SYT1: variants seen among roughly 807,000 people sequenced by gnomAD.
The protein encoded by SYT1 is synaptotagmin-1.
In SYT1, 8 loss-of-function variants were observed where a neutral mutation model predicts 44.8. The observed-to-expected ratio is 0.18, with a 90% CI of 0.10 to 0.32. SYT1 has a LOEUF of 0.32. Among genes scored for constraint, SYT1 ranks in the 10% least tolerant of loss-of-function variants. SYT1 has a pLI of 1.00. For missense variants in SYT1, 286 were observed against 509.3 expected (o/e 0.56, Z 4.22); for synonymous variants, 154 against 188.8 (o/e 0.82, Z 1.51).
At chr12:79,222,542 C>A (rs912021670) in intron 4 of SYT1, among the ~76,000 whole-genome samples, 2 of 151,974 alleles carry the variant, frequency 1.3e-5, no homozygotes, top group African/African-American at 4.8e-5. Flanking sequence ...CCACCATGCC[C>A]AGCTAATTTT....
At chr12:79,303,597 A>G (rs1565898956) in intron 8 of SYT1, among the ~76,000 whole-genome samples, 5 of 152,156 alleles carry the variant, frequency 3.3e-5, no homozygotes, top group Admixed American at 2.0e-4. Context: ...GAATTAAAAC[A>G]AGTTGGAACA....
Position 79,290,627 on chromosome 12 carries a change from A to G in SYT1, c.352-1381A>G, listed in dbSNP as rs192374755. ...CTTTATCAGAGATATAAAACAGTCT[A>G]CCACTGGCTTATCCATTTTGATTTC... On this transcript the variant is annotated intron_variant, in intron 5 of 10. Transcript: ENST00000261205. Among the ~76,000 whole-genome samples, 448 of 152,350 alleles carry G rather than the reference A, an allele frequency of 2.9e-3. 4 individuals carry two copies. The highest frequency in any genetic ancestry group is 0.01 in the African/African-American group (420 of 41,588).
chr12:79,058,560 A>G (rs931003317), intron 3 of SYT1, among the ~76,000 whole-genome samples: 1 of 152,100 alleles, frequency 6.6e-6, no homozygotes, highest in Admixed American at 6.6e-5. Context: ...AAAATGACTC[A>G]GTACAGCTGG....
chr12:78,927,338 T>A (rs1465583959), intron 1 of SYT1, among the ~76,000 whole-genome samples: 1 of 152,166 alleles, frequency 6.6e-6, no homozygotes, highest in Non-Finnish European at 1.5e-5. Flanking sequence ...CAGATTTCCT[T>A]GGGCTCTTTT....
chr12:79,210,798 A>G lies in SYT1; in HGVS notation c.-17-6705A>G, dbSNP rs78770105. Among the ~76,000 whole-genome samples the G allele has an allele frequency of 3.8e-3, 579 of 152,276 alleles. 8 individuals carry two copies. Among genetic ancestry groups the G allele is most frequent in the African/African-American group, 0.014 (563 of 41,564 alleles). On this transcript the variant is annotated intron_variant, in intron 3 of 10. Coordinates refer to ENST00000261205, the MANE Select transcript of SYT1 (RefSeq NM_005639.3). Reference sequence around the variant, plus strand: ...ATTGCTGGATCAAATTCTAGTTCTAACAAAAGTATAAATTTTAATGATACC... The same window carrying G: ...ATTGCTGGATCAAATTCTAGTTCTAGCAAAAGTATAAATTTTAATGATACC...
chr12:79,419,414 G>C (rs773486227), intron 9 of SYT1: 1 of 399,984 alleles, frequency 2.5e-6, no homozygotes, highest in Non-Finnish European at 5.1e-6. Context: ...ACAGTATCCG[G>C]CAGCAGGTCA....
chr12:78,905,001 A>G (rs1875883694), intron 1 of SYT1, among the ~76,000 whole-genome samples: 1 of 152,194 alleles, frequency 6.6e-6, no homozygotes, highest in African/African-American at 2.4e-5. Flanking sequence ...AAGGCCAAAT[A>G]TGAATTAAGC....
At chr12:79,069,042 C>T (rs1876084577) in intron 3 of SYT1, among the ~76,000 whole-genome samples, 1 of 152,004 alleles carries the variant, frequency 6.6e-6, no homozygotes, top group Non-Finnish European at 1.5e-5. Flanking sequence ...CATATACAGG[C>T]CAAATAGAAT....
chr12:79,248,466 G>A (rs139031599), intron 4 of SYT1, among the ~76,000 whole-genome samples: 35 of 152,252 alleles, frequency 2.3e-4, no homozygotes, highest in African/African-American at 7.5e-4. Context: ...GACCTTTCTT[G>A]CCTCCTTGTT....
chr12:79,135,785 T>C (rs941211378), intron 3 of SYT1, among the ~76,000 whole-genome samples: 3 of 152,212 alleles, frequency 2.0e-5, no homozygotes, highest in African/African-American at 7.2e-5. Context: ...TCAATGATGG[T>C]GAATGCGTGC....
At chr12:78,985,725 T>C (rs901695128) in intron 2 of SYT1, among the ~76,000 whole-genome samples, 1 of 151,980 alleles carries the variant, frequency 6.6e-6, no homozygotes, top group Non-Finnish European at 1.5e-5. Context: ...TGTTTCATAA[T>C]TTAGTGTCTA....
At chr12:79,446,034 T>TATACATATATATA (rs1491131045) in intron 10 of SYT1, among the ~76,000 whole-genome samples, 3 of 115,560 alleles carry the variant, frequency 2.6e-5, no homozygotes, top group African/African-American at 1.0e-4. Context: ...TATATATATA[T>TATACATATATATA]TATGCCTAGG....
chr12:79,378,122 C>T (rs578076170), intron 9 of SYT1, among the ~76,000 whole-genome samples: 1 of 152,262 alleles, frequency 6.6e-6, no homozygotes, highest in African/African-American at 2.4e-5. Flanking sequence ...AGTTTTCACT[C>T]ATCCTTATTT....
chr12:78,913,890 T>A (rs1257662125), intron 1 of SYT1, among the ~76,000 whole-genome samples: 2 of 151,696 alleles, frequency 1.3e-5, no homozygotes, highest in Non-Finnish European at 2.9e-5. Context: ...TCTCTAGGAG[T>A]CTCATAAAAA....
chr12:78,960,887 T>C (rs901436546), intron 1 of SYT1, among the ~76,000 whole-genome samples: 15 of 152,158 alleles, frequency 9.9e-5, no homozygotes, highest in Non-Finnish European at 1.5e-4. Context: ...GTTAGCACTT[T>C]GGAGCATACG....
At chr12:79,312,113 CA>C (rs1347467283) in intron 8 of SYT1, among the ~76,000 whole-genome samples, 1 of 151,822 alleles carries the variant, frequency 6.6e-6, no homozygotes, top group Non-Finnish European at 1.5e-5. Flanking sequence ...TTTCATACTG[CA>C]AAAGTAAAAC....
At chr12:79,114,867 C>T (rs1879194210) in intron 3 of SYT1, among the ~76,000 whole-genome samples, 2 of 152,032 alleles carry the variant, frequency 1.3e-5, no homozygotes. Context: ...TTCACATAAT[C>T]TCAAAAATAC....
At chr12:78,965,759 C>T (rs927144900) in intron 1 of SYT1, among the ~76,000 whole-genome samples, 1 of 151,942 alleles carries the variant, frequency 6.6e-6, no homozygotes, top group African/African-American at 2.4e-5. Context: ...TCTCATGTTG[C>T]GTGGAGCCTA....
chr12:79,367,088 A>G (rs1309278575), intron 9 of SYT1, among the ~76,000 whole-genome samples: 1 of 152,174 alleles, frequency 6.6e-6, no homozygotes, highest in Non-Finnish European at 1.5e-5. Context: ...ATAAGAAATC[A>G]GACCAGTAGT....
Sources: gnomAD v4.1 joint callset for allele counts (sites outside exome capture counted in the v4.1 genomes callset) on GRCh38, gnomAD v4.1.1 for gene constraint, MANE v1.5 for transcripts, NCBI Gene and HGNC (gene_info 2026-07-23, HGNC 2026-07-21) for gene names.